FGD4: variants seen among roughly 807,000 people sequenced by gnomAD.
FGD4 encodes the protein FYVE, RhoGEF and PH domain containing 4, also known as FYVE, RhoGEF and PH domain-containing protein 4.
In FGD4, 42 loss-of-function variants were observed where a neutral mutation model predicts 102.0. The ratio of observed to expected loss-of-function variants is 0.41; its 90% CI spans 0.32 to 0.53. The LOEUF (loss-of-function observed/expected upper bound fraction) is 0.53. Ranked by LOEUF, FGD4 falls within the 20% of genes least tolerant of loss-of-function variation. The probability of loss-of-function intolerance (pLI) is 0.21; values close to 1 mark genes in which losing one functional copy is unlikely to be tolerated. For synonymous variants in FGD4, 380 were observed against 375.7 expected (o/e 1.01, Z -0.13); for missense variants, 902 against 1,078.2 (o/e 0.84, Z 2.29).
chr12:32,473,698 C>T (rs1222092531), intron 1 of FGD4, among the ~76,000 whole-genome samples: 5 of 152,188 alleles, frequency 3.3e-5, no homozygotes, highest in Admixed American at 3.3e-4. Context: ...ATTAAAAGCA[C>T]ACGTTATTTT....
At chr12:32,442,616 C>T (rs1352283449) in intron 1 of FGD4, among the ~76,000 whole-genome samples, 4 of 129,480 alleles carry the variant, frequency 3.1e-5, no homozygotes, top group African/African-American at 9.2e-5. Context: ...AAGGCTGGGG[C>T]GCAGTGGTGC....
intron 1 of FGD4, among the ~76,000 whole-genome samples, chr12:32,418,132 A>G (rs1206250800): frequency 4.6e-5 from 7 of 151,138 alleles, no homozygotes; most frequent in Non-Finnish European, 1.0e-4. Flanking sequence ...AATTTTTTGT[A>G]TTTTTAGTAG....
chr12:32,462,679 A>G (rs1943140398), intron 1 of FGD4, among the ~76,000 whole-genome samples: 1 of 152,184 alleles, frequency 6.6e-6, no homozygotes, highest in South Asian at 2.1e-4. Context: ...TTCTGTCTTA[A>G]CTGAAGACCT....
chr12:32,527,458 C>T (rs1941372692), intron 1 of FGD4, among the ~76,000 whole-genome samples: 1 of 151,946 alleles, frequency 6.6e-6, no homozygotes, highest in Non-Finnish European at 1.5e-5. Flanking sequence ...GAGACAGAGT[C>T]TCACTTTGTT....
chr12:32,413,175 T>A (rs1256823648), intron 1 of FGD4, among the ~76,000 whole-genome samples: 1 of 151,996 alleles, frequency 6.6e-6, no homozygotes, highest in African/African-American at 2.4e-5. Context: ...AAATACCTAA[T>A]GTAGATGATG....
At chr12:32,584,424 A>G (rs1456427205) in intron 4 of FGD4, among the ~76,000 whole-genome samples, 4 of 152,208 alleles carry the variant, frequency 2.6e-5, no homozygotes, top group African/African-American at 9.7e-5. Context: ...AAAAATGTCA[A>G]TGGTAATATA....
rs11052033 is a variant in FGD4, at chr12:32,502,151, C to G, written c.167-61986C>G. The G allele has an allele frequency of 1.0e-6, 1 of 985,442 alleles. No individual in the cohort carries two copies. Among genetic ancestry groups the G allele is most frequent in the Admixed American group, 6.1e-5 (1 of 16,274 alleles). 61.0% of individuals were successfully genotyped at this position (985,442 alleles called of 1,614,324 possible). ...AATCCACCATCTGTTCACTCCCCACCGGAATGTGATTATCCTTGCTGGGCT... is the reference window on the plus strand; with the variant it reads ...AATCCACCATCTGTTCACTCCCCACGGGAATGTGATTATCCTTGCTGGGCT... On this transcript the variant is annotated intron_variant, in intron 1 of 16. Coordinates refer to ENST00000534526, the MANE Select transcript of FGD4 (RefSeq NM_001370298.3).
intron 1 of FGD4, among the ~76,000 whole-genome samples, chr12:32,468,788 C>T (rs896761466): frequency 2.6e-5 from 4 of 152,146 alleles, no homozygotes; most frequent in Admixed American, 1.3e-4. Flanking sequence ...AAGTGAAGTT[C>T]TCACCCAAGT....
chr12:32,643,845 G>C lies in FGD4; in HGVS notation c.*3312G>C, dbSNP rs1353419114. The C allele has an allele frequency of 6.6e-6, 1 of 151,800 alleles. No individual in the cohort carries two copies. Among genetic ancestry groups the C allele is most frequent in the East Asian group, 1.9e-4 (1 of 5,192 alleles). 9.4% of individuals were successfully genotyped at this position (151,800 alleles called of 1,614,324 possible). A position where few individuals can be genotyped will look rare whatever the true frequency, so the allele number is the denominator to read the frequency against. On this transcript the variant is annotated 3_prime_UTR_variant, in exon 17 of 17. Transcript: ENST00000534526. ...CCTTGTCCTTACTTTTTGGAAACAG[G>C]GTGGTTGCTTTTATTTGTTTTCTGG...
chr12:32,458,576 T>C (rs887496800), intron 1 of FGD4, among the ~76,000 whole-genome samples: 1 of 152,222 alleles, frequency 6.6e-6, no homozygotes. Flanking sequence ...ATCAATATTT[T>C]ATTTTATCCC....
At chr12:32,539,743 T>A (rs189375907) in intron 1 of FGD4, among the ~76,000 whole-genome samples, 3 of 152,294 alleles carry the variant, frequency 2.0e-5, no homozygotes, top group African/African-American at 7.2e-5. Flanking sequence ...CCAAATGCAG[T>A]TAAAATCTAT....
intron 1 of FGD4, chr12:32,502,143 C>T: frequency 1.0e-6 from 1 of 985,510 alleles, no homozygotes; most frequent in Non-Finnish European, 1.2e-6. Context: ...CATCTGTTCA[C>T]TCCCCACCGG....
chr12:32,437,702 C>CAA (rs1942281875), intron 1 of FGD4, among the ~76,000 whole-genome samples: 1 of 150,864 alleles, frequency 6.6e-6, no homozygotes, highest in Non-Finnish European at 1.5e-5. Context: ...AGTGTCTTTT[C>CAA]ATTTTTAGTA....
At chr12:32,545,767 G>A (rs2136158493) in intron 1 of FGD4, among the ~76,000 whole-genome samples, 1 of 152,286 alleles carries the variant, frequency 6.6e-6, no homozygotes, top group South Asian at 2.1e-4. Context: ...TTAGATGAGT[G>A]CTTGTTGAAT....
chr12:32,423,406 A>G (rs960446969), intron 1 of FGD4, among the ~76,000 whole-genome samples: 3 of 151,778 alleles, frequency 2.0e-5, no homozygotes, highest in Non-Finnish European at 4.4e-5. Context: ...CCTGGCCAAC[A>G]TGGTTAAACC....
At chr12:32,408,073 C>T (rs1012092699) in intron 1 of FGD4, among the ~76,000 whole-genome samples, 2 of 151,702 alleles carry the variant, frequency 1.3e-5, no homozygotes, top group South Asian at 2.1e-4. Context: ...CATCTTGGCT[C>T]ACTGCAAATT....
At chr12:32,431,943 C>T (rs1216635035) in intron 1 of FGD4, among the ~76,000 whole-genome samples, 2 of 151,724 alleles carry the variant, frequency 1.3e-5, no homozygotes, top group African/African-American at 2.4e-5. Context: ...GTATTGAGCT[C>T]ATCTCCTTTG....
rs145039270 is a variant in FGD4, at chr12:32,574,872, A to G, written c.320-1394A>G. On this transcript the variant is annotated intron_variant, in intron 2 of 16. Coordinates refer to ENST00000534526, the MANE Select transcript of FGD4 (RefSeq NM_001370298.3). ...CTCCTCACCCTTCTTCCAGAAGGTAAGAAAAGGATTTAAGGAAGAAAAAAG... is the reference window on the plus strand; with the variant it reads ...CTCCTCACCCTTCTTCCAGAAGGTAGGAAAAGGATTTAAGGAAGAAAAAAG... 1.1e-4 allele frequency: 17 copies of G among 152,324 alleles called. No homozygotes were observed. In the East Asian group the frequency reaches 3.3e-3, roughly 29 times the overall value. 9.4% of individuals were successfully genotyped at this position (152,324 alleles called of 1,614,324 possible). A position where few individuals can be genotyped will look rare whatever the true frequency, so the allele number is the denominator to read the frequency against.
chr12:32,567,734 C>T (rs1216916093), intron 2 of FGD4, among the ~76,000 whole-genome samples: 4 of 142,482 alleles, frequency 2.8e-5, no homozygotes, highest in Non-Finnish European at 6.0e-5. Flanking sequence ...GTCACCCAGG[C>T]TGGAGTGCAG....
Sources: gnomAD v4.1 joint callset for allele counts (sites outside exome capture counted in the v4.1 genomes callset) on GRCh38, gnomAD v4.1.1 for gene constraint, MANE v1.5 for transcripts, NCBI Gene and HGNC (gene_info 2026-07-23, HGNC 2026-07-21) for gene names.